DDI2: variants seen among roughly 807,000 people sequenced by gnomAD.
The protein encoded by DDI2 is DDI proteasomal shuttling factor 2, also known as protein DDI1 homolog 2.
A neutral mutation model predicts 48.1 loss-of-function variants in DDI2; 5 were observed. The observed-to-expected ratio is 0.10, with a 90% confidence interval of 0.05 to 0.22. DDI2 has a LOEUF of 0.22. Ranked by LOEUF, DDI2 falls within the 10% of genes least tolerant of loss-of-function variation. DDI2 has a pLI of 1.00. For missense variants in DDI2, 285 were observed against 506.2 expected (o/e 0.56, Z 4.19); for synonymous variants, 205 against 183.6 (o/e 1.12, Z -0.94).
At chr1:15,648,921 AAGGAAGG>A (rs1431009128) in intron 6 of DDI2, among the ~76,000 whole-genome samples, 1 of 151,884 alleles carries the variant, frequency 6.6e-6, no homozygotes, top group Non-Finnish European at 1.5e-5. Flanking sequence ...TATCTTGTGT[AAGGAAGG>A]AGTTCTTTAA....
rs185307889 is a variant in DDI2, at chr1:15,619,266, G to A, written c.138+1458G>A. Among the ~76,000 whole-genome samples, 634 of 151,778 alleles carry A rather than the reference G, an allele frequency of 4.2e-3. 4 individuals are homozygous for A. The highest frequency in any genetic ancestry group is 0.012 in the African/African-American group (489 of 41,372). On this transcript the variant is annotated intron_variant, in intron 1 of 9. Coordinates refer to ENST00000480945, the MANE Select transcript of DDI2 (RefSeq NM_032341.5). ...CTCCTGAGTAACTGGGACTACGGGC[G>A]CGCGCCACCACGCCTGGCTAATTTT... is the stretch of plus-strand genomic sequence containing the variant.
intron 1 of DDI2, among the ~76,000 whole-genome samples, chr1:15,623,557 C>CTTATTATTATTA (rs202147595): frequency 1.6e-3 from 132 of 84,088 alleles, no homozygotes; most frequent in African/African-American, 5.5e-3. Context: ...CCATGCCTGG[C>CTTATTATTATTA]TTATTATTAT....
Position 15,661,729 on chromosome 1 carries a change from G to C in DDI2, c.*1939G>C. ...CATCGTAGTTCCTACATGACTGTGG[G>C]AAAGTGGGCTAGACCGTTCTCCATT... On this transcript the variant is annotated 3_prime_UTR_variant, in exon 10 of 10. Coordinates refer to ENST00000480945, the MANE Select transcript of DDI2 (RefSeq NM_032341.5). The C allele has an allele frequency of 6.2e-7, 1 of 1,600,308 alleles. No individual in the cohort carries two copies. Among genetic ancestry groups the C allele is most frequent in the Non-Finnish European group, 8.5e-7 (1 of 1,172,194 alleles).
At chr1:15,620,860 GA>G (rs1411714213) in intron 1 of DDI2, among the ~76,000 whole-genome samples, 3 of 152,158 alleles carry the variant, frequency 2.0e-5, no homozygotes, top group Non-Finnish European at 4.4e-5. Flanking sequence ...AAATGGAAAT[GA>G]AAATTCTAAT....
intron 5 of DDI2, among the ~76,000 whole-genome samples, chr1:15,641,624 A>G (rs1640009238): frequency 6.6e-6 from 1 of 152,060 alleles, no homozygotes; most frequent in African/African-American, 2.4e-5. Flanking sequence ...TTGCAAGGGA[A>G]TGGCAGTGTG....
intron 4 of DDI2, among the ~76,000 whole-genome samples, chr1:15,637,511 G>A (rs1327674105): frequency 6.6e-6 from 1 of 151,958 alleles, no homozygotes; most frequent in Non-Finnish European, 1.5e-5. Flanking sequence ...GGGATTACAG[G>A]TGCATGCCAC....
rs552158580 is a variant in DDI2, at chr1:15,617,998, C to G, written c.138+190C>G. 3.3e-5 allele frequency among the ~76,000 whole-genome samples: 5 copies of G among 152,338 alleles called. No homozygotes were observed. The East Asian group carries it at 9.6e-4, about 29-fold the overall frequency. On this transcript the variant is annotated intron_variant, in intron 1 of 9. Transcript: ENST00000480945. Reference sequence around the variant, plus strand: ...AGTAGCTGCCCTCACACACTCCGAGCATGGGGTGGGGTACGAGGAGAGGGA... The same window carrying G: ...AGTAGCTGCCCTCACACACTCCGAGGATGGGGTGGGGTACGAGGAGAGGGA...
intron 7 of DDI2, among the ~76,000 whole-genome samples, chr1:15,650,404 C>T (rs1640158779): frequency 6.6e-6 from 1 of 152,142 alleles, no homozygotes; most frequent in South Asian, 2.1e-4. Context: ...GGTGGTATGG[C>T]TGTAGACCTC....
Position 15,661,615 on chromosome 1 carries a change from G to A in DDI2, c.*1825G>A. The A allele has an allele frequency of 6.2e-7, 1 of 1,614,060 alleles. No individual in the cohort carries two copies. Among genetic ancestry groups the A allele is most frequent in the Non-Finnish European group, 8.5e-7 (1 of 1,180,024 alleles). Reference sequence around the variant, plus strand: ...CACAGATATTGACCGCATTCTCCGTGCTGGCTTTACTTTGCAGGAAGCTCT... The same window carrying A: ...CACAGATATTGACCGCATTCTCCGTACTGGCTTTACTTTGCAGGAAGCTCT... On this transcript the variant is annotated 3_prime_UTR_variant, in exon 10 of 10. Coordinates refer to ENST00000480945, the MANE Select transcript of DDI2 (RefSeq NM_032341.5).
At chr1:15,659,522 G>A (rs1285967076) in intron 9 of DDI2, among the ~76,000 whole-genome samples, 4 of 152,028 alleles carry the variant, frequency 2.6e-5, no homozygotes, top group Non-Finnish European at 5.9e-5. Context: ...CTAGACTAGG[G>A]AATAAAGAAA....
At position 15,661,460 on chromosome 1, in the gene DDI2, C is replaced by A; in HGVS notation, c.*1670C>A. ...GACTTAGGTCAGGGCATACAGAATT[C>A]AGTAACAGACAGGCCTGAAACCAGA... On this transcript the variant is annotated 3_prime_UTR_variant, in exon 10 of 10. Coordinates refer to ENST00000480945, the MANE Select transcript of DDI2 (RefSeq NM_032341.5). 1 of 1,613,888 alleles carries A rather than the reference C, an allele frequency of 6.2e-7. No homozygotes were observed. Among genetic ancestry groups the A allele is most frequent in the Non-Finnish European group, 8.5e-7 (1 of 1,179,842 alleles).
At chr1:15,652,271 C>G (rs1309563395) in intron 8 of DDI2, among the ~76,000 whole-genome samples, 2 of 151,420 alleles carry the variant, frequency 1.3e-5, no homozygotes, top group East Asian at 3.9e-4. Flanking sequence ...TTGTCCAGGC[C>G]TATCTCCAAC....
rs1390045857 is a variant in DDI2, at chr1:15,628,433, G to A, written c.268+1635G>A. On this transcript the variant is annotated intron_variant, in intron 2 of 9. Coordinates refer to ENST00000480945, the MANE Select transcript of DDI2 (RefSeq NM_032341.5). The stretch of plus-strand genomic sequence containing the variant: ...CCAAAAAGGCTTCAGGATAGTCCCA[G>A]ACTTGAGACAAGTTTGTTTGTTTTT... Among the ~76,000 whole-genome samples, 10 of 152,178 alleles carry A rather than the reference G, an allele frequency of 6.6e-5. No individual in the cohort carries two copies. The East Asian group carries it at 1.9e-3, about 29-fold the overall frequency.
intron 5 of DDI2, among the ~76,000 whole-genome samples, chr1:15,642,589 A>G (rs556764479): frequency 6.6e-6 from 1 of 152,274 alleles, no homozygotes; most frequent in South Asian, 2.1e-4. Flanking sequence ...GTACGATTAC[A>G]GGCATGAGCC....
chr1:15,634,003 C>T (rs1029815107), intron 4 of DDI2: 14 of 307,170 alleles, frequency 4.6e-5, no homozygotes, highest in Admixed American at 2.6e-4. Flanking sequence ...GGCTCTGCGC[C>T]GATGGAACGT....
rs1311774993 is a variant in DDI2 at position 15,664,136 on chromosome 1, AATC to A, written c.*4350_*4352del. 1 of 152,184 alleles carries A rather than the reference AATC, an allele frequency of 6.6e-6. No homozygotes were observed. The highest frequency in any genetic ancestry group is 2.4e-5 in the African/African-American group (1 of 41,420). The allele number at this position is 152,184 out of a possible 1,614,324, so 9.4% of individuals were successfully genotyped here. A position where few individuals can be genotyped will look rare whatever the true frequency, so the allele number is the denominator to read the frequency against. On this transcript the variant is annotated 3_prime_UTR_variant, in exon 10 of 10. Coordinates refer to ENST00000480945, the MANE Select transcript of DDI2 (RefSeq NM_032341.5). The stretch of plus-strand genomic sequence containing the variant: ...AGGCTGGACTCAAACTCTGGGGCTT[AATC>A]ATCCTTCTGAGTAGCTGGGACTACA...
intron 5 of DDI2, 127 bp from the exon 6 acceptor site, chr1:15,643,395 G>T (rs1640040358): frequency 2.2e-6 from 3 of 1,334,310 alleles, no homozygotes; most frequent in Non-Finnish European, 3.0e-6. Flanking sequence ...AGGTAGAAAT[G>T]AGTTTATAGA....
intron 4 of DDI2, among the ~76,000 whole-genome samples, chr1:15,637,032 A>G (rs1557616666): frequency 6.6e-6 from 1 of 152,230 alleles, no homozygotes; most frequent in Non-Finnish European, 1.5e-5. Flanking sequence ...TAAGTTGCCC[A>G]ACCGCTGACC....
chr1:15,628,806 G>A (rs545238896), intron 2 of DDI2, among the ~76,000 whole-genome samples: 1 of 151,832 alleles, frequency 6.6e-6, no homozygotes, highest in African/African-American at 2.4e-5. Context: ...CCATTTTAGC[G>A]TATTTTCATT....
Sources: gnomAD v4.1 joint callset for allele counts (sites outside exome capture counted in the v4.1 genomes callset) on GRCh38, gnomAD v4.1.1 for gene constraint, MANE v1.5 for transcripts, NCBI Gene and HGNC (gene_info 2026-07-23, HGNC 2026-07-21) for gene names.